MAP3K7: variants seen among roughly 807,000 people sequenced by gnomAD.
MAP3K7 encodes the protein TGF-beta activated kinase 1.
Under a neutral mutation model 84.8 loss-of-function variants are expected in MAP3K7, and 21 were observed. The ratio of observed to expected loss-of-function variants is 0.25; its 90% CI spans 0.18 to 0.36. The LOEUF (loss-of-function observed/expected upper bound fraction) is 0.36, where lower values mean the gene tolerates loss of function less well. Ranked by LOEUF, MAP3K7 falls within the 10% of genes least tolerant of loss-of-function variation. The pLI is 1.00. For missense variants in MAP3K7, 503 were observed against 747.7 expected (o/e 0.67, Z 3.82); for synonymous variants, 241 against 247.7 (o/e 0.97, Z 0.25).
rs753121841 is a variant in MAP3K7, at chr6:90,560,220, A to G, written c.344-6T>C. 3 of 1,613,850 alleles carry G rather than the reference A, an allele frequency of 1.9e-6. No individual in the cohort carries two copies. The African/African-American group carries it at 4.0e-5, about 22-fold the overall frequency. The stretch of plus-strand genomic sequence containing the variant: ...TGGTTCAGCACCATGCAGCACTGCG[A>G]AAGAAAGGCACAAACTAAAAAGAAC... On this transcript the variant is annotated splice_region_variant and splice_polypyrimidine_tract_variant and intron_variant, in intron 4 of 16. Transcript: ENST00000369329.
intron 12 of MAP3K7, among the ~76,000 whole-genome samples, chr6:90,543,136 T>C (rs541241042): frequency 7.2e-5 from 11 of 152,198 alleles, no homozygotes; most frequent in South Asian, 4.1e-4. Context: ...ACGTCCCTTA[T>C]ACACAGTACC....
Position 90,515,536 on chromosome 6 carries a change from T to C in MAP3K7, c.*965A>G, listed in dbSNP as rs544131454. Reference sequence around the variant, plus strand: ...CTTCCTTCTGATTTGCCTGGTTTATTTCTCATTTGGTATCATAAAAAGAAA... The same window carrying C: ...CTTCCTTCTGATTTGCCTGGTTTATCTCTCATTTGGTATCATAAAAAGAAA... On this transcript the variant is annotated 3_prime_UTR_variant, in exon 17 of 17. Coordinates refer to ENST00000369329, the MANE Select transcript of MAP3K7 (RefSeq NM_145331.3). The C allele has an allele frequency of 1.4e-3, 202 of 141,498 alleles. No homozygotes were observed. The highest frequency in any genetic ancestry group is 5.1e-3 in the African/African-American group (190 of 37,476). 8.8% of individuals were successfully genotyped at this position (141,498 alleles called of 1,614,324 possible).
Position 90,556,651 on chromosome 6 carries a change from A to G in MAP3K7, c.483-27T>C, listed in dbSNP as rs1298891693. ...TGTTTAAAAAAAAACAAAAAACATC[A>G]AAAGTTACAAGGCCAACATTTTATT... On this transcript the variant is annotated intron_variant, in intron 5 of 16. Transcript: ENST00000369329. The G allele has an allele frequency of 5.1e-6, 8 of 1,572,130 alleles. No individual in the cohort carries two copies. In the East Asian group the frequency reaches 1.6e-4, roughly 31 times the overall value.
intron 1 of MAP3K7, among the ~76,000 whole-genome samples, chr6:90,574,367 C>T (rs1777003224): frequency 6.6e-6 from 1 of 152,052 alleles, no homozygotes; most frequent in Non-Finnish European, 1.5e-5. Context: ...CCTCAGCCTC[C>T]CAAAGTGCTG....
At position 90,547,407 on chromosome 6, in the gene MAP3K7, A is replaced by G. The variant is rs1371553525; in HGVS notation, c.1081-20T>C. The G allele has an allele frequency of 2.5e-6, 4 of 1,604,786 alleles. No homozygotes were observed. Among genetic ancestry groups the G allele is most frequent in the Non-Finnish European group, 2.5e-6 (3 of 1,177,242 alleles). ...TTCACTCTGTTAAAATTACAGGTCA[A>G]TCTGAATTACTGAAGTTCTTTAGAT... On this transcript the variant is annotated intron_variant, in intron 10 of 16. Coordinates refer to ENST00000369329, the MANE Select transcript of MAP3K7 (RefSeq NM_145331.3).
At chr6:90,578,871 G>A (rs1259846865) in intron 1 of MAP3K7, among the ~76,000 whole-genome samples, 2 of 152,112 alleles carry the variant, frequency 1.3e-5, no homozygotes, top group Admixed American at 6.5e-5. Context: ...TCTGTATAAC[G>A]ATAATGCAAC....
chr6:90,561,247 A>C (rs980129646), intron 4 of MAP3K7, among the ~76,000 whole-genome samples: 2 of 152,072 alleles, frequency 1.3e-5, no homozygotes, highest in Admixed American at 1.3e-4. Flanking sequence ...TTGAAAAAAA[A>C]GAAAAAATAA....
chr6:90,583,215 C>T (rs1183949500), intron 1 of MAP3K7, among the ~76,000 whole-genome samples: 3 of 152,106 alleles, frequency 2.0e-5, no homozygotes, highest in East Asian at 1.9e-4. Flanking sequence ...CAGAGTATTA[C>T]GCACAGATGA....
rs991440454 is a variant in MAP3K7 at position 90,527,866 on chromosome 6, CTTTTTTTTTT to C, written c.1357-4093_1357-4084del. Among the ~76,000 whole-genome samples, 29 of 44,644 alleles carry C rather than the reference CTTTTTTTTTT, an allele frequency of 6.5e-4. 1 individual carries two copies. In the East Asian group the frequency reaches 8.4e-3, roughly 13 times the overall value. 29.3% of individuals were successfully genotyped at this position (44,644 alleles called of 152,430 possible). A position where few individuals can be genotyped will look rare whatever the true frequency, so the allele number is the denominator to read the frequency against. On this transcript the variant is annotated intron_variant, in intron 13 of 16. Transcript: ENST00000369329. ...GAAACTAAAATGGGTTTCATAAGGA[CTTTTTTTTTT>C]TTTTTTTTTTTTTTTTTTTTGAGAC... is the stretch of plus-strand genomic sequence containing the variant.
At chr6:90,554,238 C>T (rs1776267953) in intron 6 of MAP3K7, among the ~76,000 whole-genome samples, 1 of 152,152 alleles carries the variant, frequency 6.6e-6, no homozygotes, top group South Asian at 2.1e-4. Context: ...CTTAAATTTT[C>T]TTCCCACTCT....
At chr6:90,560,546 G>C (rs1441297293) in intron 4 of MAP3K7, among the ~76,000 whole-genome samples, 1 of 152,092 alleles carries the variant, frequency 6.6e-6, no homozygotes, top group Non-Finnish European at 1.5e-5. Flanking sequence ...ATTTTTAGTA[G>C]AGATAGGGTA....
intron 1 of MAP3K7, among the ~76,000 whole-genome samples, chr6:90,583,557 G>A (rs1327226614): frequency 6.6e-6 from 1 of 152,156 alleles, no homozygotes; most frequent in Non-Finnish European, 1.5e-5. Flanking sequence ...TTAAAGAACT[G>A]CTAAGCTTAC....
At chr6:90,520,269 G>A (rs1014418956) in intron 14 of MAP3K7, among the ~76,000 whole-genome samples, 4 of 151,974 alleles carry the variant, frequency 2.6e-5, no homozygotes, top group African/African-American at 9.7e-5. Flanking sequence ...TGTGGATAAA[G>A]GCAAGTCAGG....
chr6:90,566,860 C>G (rs1366745088), intron 3 of MAP3K7, among the ~76,000 whole-genome samples: 1 of 152,120 alleles, frequency 6.6e-6, no homozygotes, highest in Non-Finnish European at 1.5e-5. Context: ...GGTACCAAAA[C>G]AGAGATATAG....
In MAP3K7 at chr6:90,569,476, CTTCT is replaced by C. The variant is rs148676852; in HGVS notation, c.232-857_232-854del. Among the ~76,000 whole-genome samples, 730 of 137,098 alleles carry C rather than the reference CTTCT, an allele frequency of 5.3e-3. 7 individuals carry two copies. The highest frequency in any genetic ancestry group is 0.018 in the African/African-American group (680 of 38,124). 89.9% of individuals were successfully genotyped at this position (137,098 alleles called of 152,430 possible). A position where few individuals can be genotyped will look rare whatever the true frequency, so the allele number is the denominator to read the frequency against. ...CACTTCTCTTATTCTAGATCTCAAA[CTTCT>C]TTCTTTCTTTCTTTCTTTTGAGACA... On this transcript the variant is annotated intron_variant, in intron 2 of 16. Coordinates refer to ENST00000369329, the MANE Select transcript of MAP3K7 (RefSeq NM_145331.3).
chr6:90,545,264 C>A (rs1775968049), intron 11 of MAP3K7, among the ~76,000 whole-genome samples: 1 of 151,938 alleles, frequency 6.6e-6, no homozygotes, highest in Non-Finnish European at 1.5e-5. Context: ...TGACTCTTTC[C>A]AAGTAAGACA....
chr6:90,585,896 C>T (rs1777430076), intron 1 of MAP3K7, among the ~76,000 whole-genome samples: 1 of 152,172 alleles, frequency 6.6e-6, no homozygotes, highest in South Asian at 2.1e-4. Flanking sequence ...CAACTGAAAG[C>T]CGAGCATTTA....
chr6:90,542,131 G>A, intron 12 of MAP3K7: 1 of 536,782 alleles, frequency 1.9e-6, no homozygotes. Context: ...TTTCTAGAAA[G>A]TATTAAGAAA....
chr6:90,544,443 T>A, intron 12 of MAP3K7, 109 bp downstream of exon 12: 1 of 883,558 alleles, frequency 1.1e-6, no homozygotes, highest in East Asian at 2.5e-5. Flanking sequence ...GCATGCAAGG[T>A]ATCCATTTTC....
Sources: allele counts gnomAD v4.1 joint callset (sites outside exome capture counted in the v4.1 genomes callset), GRCh38; gene constraint gnomAD v4.1.1; transcripts MANE v1.5; gene names NCBI Gene and HGNC (gene_info 2026-07-23, HGNC 2026-07-21).